GALK2: variants seen among roughly 807,000 people sequenced by gnomAD.
GALK2 encodes the protein galactokinase 2.
GALK2 carries 36 observed loss-of-function variants against 52.4 expected under a neutral mutation model. The ratio of observed to expected loss-of-function variants is 0.69; its 90% CI spans 0.53 to 0.91. GALK2 has a LOEUF of 0.91. GALK2 is among the 40% of genes least tolerant of loss of function. The pLI, the probability that GALK2 is intolerant of heterozygous loss-of-function variation, is 0.00. For synonymous variants in GALK2, 176 were observed against 199.1 expected, an observed-to-expected ratio of 0.88 and a Z score of 0.98; for missense variants, 579 against 559.1, an observed-to-expected ratio of 1.04 and a Z score of -0.36.
chr15:49,296,114 A>G (rs922234414), intron 8 of GALK2, among the ~76,000 whole-genome samples: 2 of 151,880 alleles, frequency 1.3e-5, no homozygotes, highest in African/African-American at 4.8e-5. Flanking sequence ...CAGAACTTTT[A>G]TTTATTTTCT....
chr15:49,291,189 A>G (rs1330063568), intron 7 of GALK2, among the ~76,000 whole-genome samples: 2 of 151,770 alleles, frequency 1.3e-5, no homozygotes, highest in Non-Finnish European at 1.5e-5. Context: ...TTTTGTTTTA[A>G]ATGACACCAT....
At chr15:49,233,347 C>T (rs146978297) in intron 3 of GALK2, among the ~76,000 whole-genome samples, 1 of 152,290 alleles carries the variant, frequency 6.6e-6, no homozygotes, top group African/African-American at 2.4e-5. Flanking sequence ...AATCCACCCC[C>T]ATGATCCAGT....
downstream of GALK2, chr15:49,334,296 T>G: frequency 1.1e-6 from 1 of 947,798 alleles, no homozygotes; most frequent in Non-Finnish European, 1.3e-6. Context: ...CTTTTCCCTA[T>G]AAAGTTAAAG....
intron 8 of GALK2, among the ~76,000 whole-genome samples, chr15:49,293,476 CTT>C (rs2141828645): frequency 6.6e-6 from 1 of 152,324 alleles, no homozygotes; most frequent in African/African-American, 2.4e-5. Context: ...ATAAAATAAA[CTT>C]TTACTACAAC....
intron 3 of GALK2, among the ~76,000 whole-genome samples, chr15:49,339,426 C>G (rs2040324046): frequency 6.6e-6 from 1 of 152,148 alleles, no homozygotes; most frequent in Non-Finnish European, 1.5e-5. Context: ...GCCCCAGACC[C>G]TGTTTGCCTG....
intron 1 of GALK2, among the ~76,000 whole-genome samples, chr15:49,191,379 T>G (rs985445750): frequency 6.6e-6 from 1 of 152,138 alleles, no homozygotes; most frequent in Non-Finnish European, 1.5e-5. Flanking sequence ...TAGTTTTGGT[T>G]TGCTGATGTG....
At chr15:49,261,496 A>G (rs868405591) in intron 5 of GALK2, among the ~76,000 whole-genome samples, 1 of 152,180 alleles carries the variant, frequency 6.6e-6, no homozygotes, top group African/African-American at 2.4e-5. Flanking sequence ...CCAGATATAC[A>G]ATCATGTCAT....
chr15:49,179,970 C>G (rs921569620), intron 1 of GALK2, among the ~76,000 whole-genome samples: 1 of 152,042 alleles, frequency 6.6e-6, no homozygotes, highest in Non-Finnish European at 1.5e-5. Context: ...TCTTTCTGTT[C>G]TTAGAGAAAA....
At chr15:49,222,913 G>C (rs1018578249) in intron 3 of GALK2, among the ~76,000 whole-genome samples, 1 of 152,156 alleles carries the variant, frequency 6.6e-6, no homozygotes, top group Non-Finnish European at 1.5e-5. Flanking sequence ...TTGGGACTAG[G>C]TTAATTCCCT....
intron 2 of GALK2, among the ~76,000 whole-genome samples, chr15:49,208,434 A>G (rs1351071472): frequency 6.6e-6 from 1 of 152,144 alleles, no homozygotes; most frequent in Non-Finnish European, 1.5e-5. Context: ...GGAGCAGGTT[A>G]TTTAATTTCC....
At chr15:49,195,923 A>G (rs891905776) in intron 1 of GALK2, among the ~76,000 whole-genome samples, 1 of 152,030 alleles carries the variant, frequency 6.6e-6, no homozygotes, top group Non-Finnish European at 1.5e-5. Context: ...GAATCAGACT[A>G]TTATAGTTTC....
intron 3 of GALK2, among the ~76,000 whole-genome samples, chr15:49,343,012 G>A (rs1163166341): frequency 6.6e-6 from 1 of 152,042 alleles, no homozygotes; most frequent in Non-Finnish European, 1.5e-5. Context: ...TGTTCATTTT[G>A]TATAGTATCT....
intron 5 of GALK2, among the ~76,000 whole-genome samples, chr15:49,263,611 T>C (rs1419683105): frequency 1.6e-5 from 2 of 122,860 alleles, no homozygotes; most frequent in East Asian, 2.0e-4. Context: ...ATCCTGTCAT[T>C]ATGATGTTAG....
intron 3 of GALK2, among the ~76,000 whole-genome samples, chr15:49,344,711 G>T (rs1250456748): frequency 6.6e-6 from 1 of 152,110 alleles, no homozygotes; most frequent in Non-Finnish European, 1.5e-5. Context: ...GTTATGCCAG[G>T]TTTCCATCTT....
In GALK2 at chr15:49,310,735, T is replaced by G. The variant is rs568871643; in HGVS notation, c.968-8869T>G. Among the ~76,000 whole-genome samples, 4 of 152,242 alleles carry G rather than the reference T, an allele frequency of 2.6e-5. No homozygotes were observed. The South Asian group carries it at 8.3e-4, about 32-fold the overall frequency. On this transcript the variant is annotated intron_variant, in intron 8 of 9. Coordinates refer to ENST00000560031, the MANE Select transcript of GALK2 (RefSeq NM_002044.4). The stretch of plus-strand genomic sequence containing the variant: ...CTTTGCCTATTTTTTAATTGGATTT[T>G]TTGTTGTTGTTGTTGTTGAGTTGTT...
chr15:49,169,929 G>A (rs1326085494), upstream of GALK2: 3 of 179,332 alleles, frequency 1.7e-5, no homozygotes, highest in African/African-American at 2.3e-5. Flanking sequence ...AACGCAGCCC[G>A]AGACAGATCA....
At chr15:49,233,714 A>G (rs188265467) in intron 3 of GALK2, among the ~76,000 whole-genome samples, 81 of 152,332 alleles carry the variant, frequency 5.3e-4, no homozygotes, top group African/African-American at 1.8e-3. Context: ...ACAGTAGAGT[A>G]AAATTCTGAT....
intron 3 of GALK2, chr15:49,225,217 G>A (rs752393383): frequency 1.1e-5 from 5 of 455,858 alleles, no homozygotes; most frequent in Admixed American, 4.7e-5. Flanking sequence ...CTTCCGGGCT[G>A]CAGGGCTCCC....
In GALK2 at chr15:49,328,409, C is replaced by A. The variant is rs1159930302; in HGVS notation, c.*250C>A. On this transcript the variant is annotated 3_prime_UTR_variant, in exon 10 of 10. Transcript: ENST00000560031. ...GGACAGATCTTTTAAGAATAACTTA[C>A]TGAGATTTATTGATTTGAAGATTTT... 1.4e-6 allele frequency: 2 copies of A among 1,431,210 alleles called. No homozygotes were observed. The highest frequency in any genetic ancestry group is 1.8e-6 in the Non-Finnish European group (2 of 1,095,210). 88.7% of individuals were successfully genotyped at this position (1,431,210 alleles called of 1,614,324 possible).
Sources: allele counts gnomAD v4.1 joint callset (sites outside exome capture counted in the v4.1 genomes callset), GRCh38; gene constraint gnomAD v4.1.1; transcripts MANE v1.5; gene names NCBI Gene and HGNC (gene_info 2026-07-23, HGNC 2026-07-21).